The following CHSY3 variants were observed in gnomAD, a reference collection of about 807,000 sequenced individuals.
The protein encoded by CHSY3 is N-acetylgalactosaminyl-proteoglycan 3-beta-glucuronosyltransferase 3.
CHSY3 carries 35 observed loss-of-function variants against 67.2 expected under a neutral mutation model. The ratio of observed to expected loss-of-function variants is 0.52; its 90% CI spans 0.40 to 0.69. The LOEUF (loss-of-function observed/expected upper bound fraction) is 0.69. Ranked by LOEUF, CHSY3 falls within the 30% of genes least tolerant of loss-of-function variation. The pLI is 0.00. For synonymous variants in CHSY3, 474 were observed against 434.7 expected, an observed-to-expected ratio of 1.09 and a Z score of -1.12; for missense variants, 1,069 against 1,138.5, an observed-to-expected ratio of 0.94 and a Z score of 0.88.
At chr5:130,077,092 TATA>T (rs1766289712) in intron 2 of CHSY3, among the ~76,000 whole-genome samples, 1 of 148,942 alleles carries the variant, frequency 6.7e-6, no homozygotes, top group African/African-American at 2.5e-5. Context: ...AAACTTAAAG[TATA>T]ATAATAATAA....
At chr5:129,991,288 T>A (rs1341775040) in intron 2 of CHSY3, among the ~76,000 whole-genome samples, 1 of 152,106 alleles carries the variant, frequency 6.6e-6, no homozygotes, top group Admixed American at 6.6e-5. Context: ...CGATGAGAGA[T>A]GATGCCAGTT....
At chr5:130,001,852 C>A (rs1763736236) in intron 2 of CHSY3, 1 of 898,890 alleles carries the variant, frequency 1.1e-6, no homozygotes, top group Non-Finnish European at 1.3e-6. Context: ...AGAAATTTAA[C>A]CCACTAATAT....
chr5:129,923,347 T>A (rs1009769522), intron 2 of CHSY3, among the ~76,000 whole-genome samples: 1 of 152,004 alleles, frequency 6.6e-6, no homozygotes, highest in African/African-American at 2.4e-5. Context: ...TTTGAGCCAT[T>A]GGGAGAGGGT....
At position 129,905,424 on chromosome 5, in the gene CHSY3, A is replaced by T; in HGVS notation, c.595A>T (p.Ile199Phe). The change falls in exon 1 of 3, where the codon ATC becomes TTC. Residue 199 changes from isoleucine (I) to phenylalanine (F), a missense_variant. Ile to Phe is a conservative substitution (Grantham distance 21). Around this residue, in one of 5 missense-constraint regions of CHSY3, gnomAD observed 216 missense variants for 311.5 expected, o/e 0.69. Transcript: ENST00000305031. ...LAAQRTWARF[I>F]PGRVEFFSSQ... ...CGCGCAGCGGACCTGGGCGCGTTTC[A>T]TCCCGGGCCGCGTGGAGTTCTTTTC... is the stretch of plus-strand genomic sequence containing the variant. 1 of 1,610,830 alleles carries T rather than the reference A, an allele frequency of 6.2e-7. No homozygotes were observed. The highest frequency in any genetic ancestry group is 8.5e-7 in the Non-Finnish European group (1 of 1,179,554).
intron 2 of CHSY3, among the ~76,000 whole-genome samples, chr5:130,076,637 G>A (rs1766264010): frequency 6.6e-6 from 1 of 151,530 alleles, no homozygotes; most frequent in Non-Finnish European, 1.5e-5. Context: ...AATATGTTAA[G>A]ATACATACAC....
intron 2 of CHSY3, among the ~76,000 whole-genome samples, chr5:130,100,805 A>G (rs1260061612): frequency 6.6e-6 from 1 of 152,212 alleles, no homozygotes; most frequent in Non-Finnish European, 1.5e-5. Context: ...AGTATTCAGG[A>G]AATGTATACC....
chr5:130,070,901 A>G (rs751667251), intron 2 of CHSY3, among the ~76,000 whole-genome samples: 3 of 152,066 alleles, frequency 2.0e-5, no homozygotes, highest in Non-Finnish European at 4.4e-5. Flanking sequence ...GATGCTTCAG[A>G]AAGATTGGAA....
At position 130,184,992 on chromosome 5, in the gene CHSY3, A is replaced by C. The variant is rs1461552726; in HGVS notation, c.1850A>C (p.Asn617Thr). 1 of 1,556,256 alleles carries C rather than the reference A, an allele frequency of 6.4e-7. No homozygotes were observed. Among genetic ancestry groups the C allele is most frequent in the South Asian group, 1.1e-5 (1 of 89,936 alleles). The change falls in exon 3 of 3, where the codon AAT (asparagine) becomes ACT (threonine). Residue 617 changes from asparagine (N) to threonine (T), a missense_variant. Around this residue, in one of 5 missense-constraint regions of CHSY3, gnomAD observed 401 missense variants for 395.2 expected, o/e 1.01. Coordinates refer to ENST00000305031, the MANE Select transcript of CHSY3 (RefSeq NM_175856.5). Reference sequence around the variant, plus strand: ...GGTGCCAAAGAAATGGGAGGGCACAATGAAAAGAAAGTACACATTCTCGTT... The same window carrying C: ...GGTGCCAAAGAAATGGGAGGGCACACTGAAAAGAAAGTACACATTCTCGTT... ...FQGAKEMGGH[N>T]EKKVHILVPL...
intron 2 of CHSY3, among the ~76,000 whole-genome samples, chr5:130,096,397 T>C (rs1238103795): frequency 2.0e-5 from 3 of 152,148 alleles, no homozygotes; most frequent in African/African-American, 7.2e-5. Flanking sequence ...GGACTCAATC[T>C]CCTGACCTCA....
chr5:129,905,096 C>T lies in CHSY3; in HGVS notation c.267C>T (p.Pro89=), dbSNP rs1028144355. The T allele has an allele frequency of 4.5e-6, 7 of 1,541,502 alleles. No individual in the cohort carries two copies. Among genetic ancestry groups the T allele is most frequent in the East Asian group, 2.4e-5 (1 of 41,182 alleles). ...ARQDLQGPPL[P]EAAPGITSFR... is the part of the protein sequence containing the mutation. ...AGGATCTCCAGGGGCCACCGCTGCC[C>T]GAGGCAGCACCCGGGATCACCAGTT... Residue 89 remains proline, a synonymous_variant, in exon 1 of 3, where the codon CCC becomes CCT. Transcript: ENST00000305031.
rs560294076 is a variant in CHSY3 at position 130,042,029 on chromosome 5, G to A, written c.1086+133669G>A. 9.1e-4 allele frequency among the ~76,000 whole-genome samples: 139 copies of A among 152,176 alleles called. 1 individual carries two copies. The highest frequency in any genetic ancestry group is 3.2e-3 in the African/African-American group (133 of 41,546). ...GTAGGAGGATCACTTGAGTGCAGGGGTTCAAGACCAGCCTGGGCAACATAT... is the reference window on the plus strand; with the variant it reads ...GTAGGAGGATCACTTGAGTGCAGGGATTCAAGACCAGCCTGGGCAACATAT... On this transcript the variant is annotated intron_variant, in intron 2 of 2. Transcript: ENST00000305031.
chr5:130,033,960 T>C (rs1764774906), intron 2 of CHSY3, among the ~76,000 whole-genome samples: 2 of 152,176 alleles, frequency 1.3e-5, no homozygotes, highest in Non-Finnish European at 2.9e-5. Flanking sequence ...TATTTTTGTT[T>C]TAGGGATTTA....
chr5:129,997,208 T>C (rs1299386379), intron 2 of CHSY3, among the ~76,000 whole-genome samples: 2 of 152,184 alleles, frequency 1.3e-5, no homozygotes, highest in Non-Finnish European at 2.9e-5. Context: ...TTAGGTCATT[T>C]TCTGCACTTT....
At chr5:129,932,944 C>T (rs868295760) in intron 2 of CHSY3, among the ~76,000 whole-genome samples, 6 of 152,094 alleles carry the variant, frequency 3.9e-5, no homozygotes, top group East Asian at 1.9e-4. Flanking sequence ...ATATTAACTC[C>T]GACATTAGCT....
intron 2 of CHSY3, among the ~76,000 whole-genome samples, chr5:130,169,494 G>A (rs994392462): frequency 1.3e-5 from 2 of 152,026 alleles, no homozygotes; most frequent in Non-Finnish European, 2.9e-5. Flanking sequence ...TTATCATGTA[G>A]CCGAAGCTGA....
chr5:129,955,237 C>A (rs1247763298), intron 2 of CHSY3, among the ~76,000 whole-genome samples: 1 of 151,900 alleles, frequency 6.6e-6, no homozygotes, highest in Non-Finnish European at 1.5e-5. Context: ...AGATTTTGAC[C>A]AAATTATATG....
chr5:130,043,162 A>C (rs1765050815), intron 2 of CHSY3, among the ~76,000 whole-genome samples: 1 of 151,990 alleles, frequency 6.6e-6, no homozygotes, highest in African/African-American at 2.4e-5. Context: ...AAATCCCCCA[A>C]GTTAGAGATT....
intron 2 of CHSY3, among the ~76,000 whole-genome samples, chr5:130,006,440 A>T (rs1321125057): frequency 1.3e-5 from 2 of 152,228 alleles, no homozygotes; most frequent in Non-Finnish European, 2.9e-5. Context: ...GCTGTGTCAG[A>T]TAATCAGAGG....
At chr5:130,143,824 A>ATGTG (rs1768988023) in intron 2 of CHSY3, among the ~76,000 whole-genome samples, 1 of 127,802 alleles carries the variant, frequency 7.8e-6, no homozygotes, top group African/African-American at 3.0e-5. Flanking sequence ...ATATATATAT[A>ATGTG]TATATATATA....
Sources: allele counts gnomAD v4.1 joint callset (sites outside exome capture counted in the v4.1 genomes callset), GRCh38; gene constraint gnomAD v4.1.1; regional missense constraint gnomAD v4.1.1; transcripts MANE v1.5; gene names NCBI Gene and HGNC (gene_info 2026-07-23, HGNC 2026-07-21).